CHD9: variants seen among roughly 807,000 people sequenced by gnomAD.
CHD9 encodes ATP-dependent chromatin remodeler CHD9.
A neutral mutation model predicts 316.1 loss-of-function variants in CHD9; 77 were observed. The observed-to-expected ratio is 0.24, with a 90% CI of 0.20 to 0.29. The LOEUF is 0.29. Ranked by LOEUF, CHD9 falls within the 10% of genes least tolerant of loss-of-function variation. The pLI is 1.00. For missense variants in CHD9, 2,763 were observed against 3,438.1 expected (o/e 0.80, Z 4.91); for synonymous variants, 1,129 against 1,158.3 (o/e 0.97, Z 0.51).
chr16:53,173,766 G>A (rs531794614), intron 2 of CHD9, among the ~76,000 whole-genome samples: 4 of 151,822 alleles, frequency 2.6e-5, no homozygotes, highest in South Asian at 2.1e-4. Context: ...GGATGGTCTC[G>A]ATCTCCTGAC....
chr16:53,156,386 G>A lies in CHD9; in HGVS notation c.297G>A (p.Gln99=), dbSNP rs542378944. 1.6e-5 allele frequency: 26 copies of A among 1,613,992 alleles called. No homozygotes were observed. The South Asian group carries it at 2.6e-4, about 16-fold the overall frequency. Residue 99 remains glutamine, a synonymous_variant, in exon 2 of 39, where the codon CAG becomes CAA. Coordinates refer to ENST00000447540, the MANE Select transcript of CHD9 (RefSeq NM_001308319.2). ...AACATGTGTTATCTCCACACTCTCAGTTTAATTGTTCTCCAATCCATCCCC... is the reference window on the plus strand; with the variant it reads ...AACATGTGTTATCTCCACACTCTCAATTTAATTGTTCTCCAATCCATCCCC... ...PAEHVLSPHS[Q]FNCSPIHPQN...
intron 1 of CHD9, among the ~76,000 whole-genome samples, chr16:53,126,949 G>A (rs945020250): frequency 6.6e-6 from 1 of 151,810 alleles, no homozygotes; most frequent in African/African-American, 2.4e-5. Flanking sequence ...AAAGTGCTGG[G>A]ATTACAGGTG....
At chr16:53,132,795 T>C (rs1329074181) in intron 1 of CHD9, among the ~76,000 whole-genome samples, 2 of 120,594 alleles carry the variant, frequency 1.7e-5, no homozygotes, top group African/African-American at 6.6e-5. Flanking sequence ...TAATTCTGCT[T>C]TTTTTTTTTT....
At chr16:53,114,080 T>C (rs2038080768) in intron 1 of CHD9, among the ~76,000 whole-genome samples, 2 of 151,350 alleles carry the variant, frequency 1.3e-5, no homozygotes, top group African/African-American at 2.5e-5. Context: ...ACTACTGTTT[T>C]TTCTTTAAAA....
intron 2 of CHD9, among the ~76,000 whole-genome samples, chr16:53,202,559 T>G (rs1278505928): frequency 6.6e-6 from 1 of 152,146 alleles, no homozygotes; most frequent in Non-Finnish European, 1.5e-5. Flanking sequence ...ACATCCCCAT[T>G]TTGCTGATTA....
chr16:53,173,830 C>T (rs2042936087), intron 2 of CHD9, among the ~76,000 whole-genome samples: 2 of 152,188 alleles, frequency 1.3e-5, no homozygotes, highest in South Asian at 4.2e-4. Flanking sequence ...AGGTGTGAGC[C>T]ACCGTGCCCA....
At chr16:53,102,863 G>C (rs1401521809) in intron 1 of CHD9, among the ~76,000 whole-genome samples, 1 of 151,550 alleles carries the variant, frequency 6.6e-6, no homozygotes, top group Non-Finnish European at 1.5e-5. Flanking sequence ...CTTTTTTTGG[G>C]GGGACAGAGT....
rs561688684 is a variant in CHD9 at position 53,326,112 on chromosome 16, A to G, written c.*1217A>G. ...AAGTGAAGCCTGAGGCTTCTGTTCA[A>G]TTTCATAGACTCCTTTACCATGTAA... On this transcript the variant is annotated 3_prime_UTR_variant, in exon 39 of 39. Coordinates refer to ENST00000447540, the MANE Select transcript of CHD9 (RefSeq NM_001308319.2). 10 of 152,586 alleles carry G rather than the reference A, an allele frequency of 6.6e-5. No homozygotes were observed. Among genetic ancestry groups the G allele is most frequent in the Non-Finnish European group, 1.5e-4 (10 of 67,912 alleles). The allele number at this position is 152,586 out of a possible 1,614,324, so 9.5% of individuals were successfully genotyped here.
chr16:53,140,080 A>G (rs2152704179), intron 1 of CHD9, among the ~76,000 whole-genome samples: 1 of 152,162 alleles, frequency 6.6e-6, no homozygotes, highest in South Asian at 2.1e-4. Context: ...CCTGGGCAAC[A>G]GCAAGACCCT....
rs772724781 is a variant in CHD9 at position 53,324,734 on chromosome 16, G to A, written c.8533G>A (p.Glu2845Lys). 6.2e-7 allele frequency: 1 copy of A among 1,613,358 alleles called. No individual in the cohort carries two copies. The highest frequency in any genetic ancestry group is 8.5e-7 in the Non-Finnish European group (1 of 1,179,644). Reference protein sequence around the residue: ...GSSKSVEVKEEDSRIKDQEDK... With the variant: ...GSSKSVEVKEKDSRIKDQEDK... ...GTCTAAGTCTGTAGAAGTAAAAGAAGAAGATTCCAGAATTAAAGATCAGGA... is the reference window on the plus strand; with the variant it reads ...GTCTAAGTCTGTAGAAGTAAAAGAAAAAGATTCCAGAATTAAAGATCAGGA... Residue 2845 changes from glutamate (E) to lysine (K), a missense_variant, in exon 39 of 39, where the codon GAA becomes AAA. Coordinates refer to ENST00000447540, the MANE Select transcript of CHD9 (RefSeq NM_001308319.2).
intron 1 of CHD9, among the ~76,000 whole-genome samples, chr16:53,072,504 C>T (rs11862359): frequency 1.3e-5 from 2 of 149,296 alleles, no homozygotes; most frequent in Non-Finnish European, 3.0e-5. Flanking sequence ...TGGGCTCAAG[C>T]GACCCCCAAC....
chr16:53,129,311 T>G (rs1000024295), intron 1 of CHD9, among the ~76,000 whole-genome samples: 41 of 152,326 alleles, frequency 2.7e-4, no homozygotes, highest in African/African-American at 9.1e-4. Context: ...CAAGTTGAAT[T>G]TGCAAACTAA....
At chr16:53,231,237 T>G (rs184729793) in intron 8 of CHD9, among the ~76,000 whole-genome samples, 182 bp from the exon 9 acceptor site, 2 of 152,298 alleles carry the variant, frequency 1.3e-5, no homozygotes, top group Non-Finnish European at 2.9e-5. Flanking sequence ...GTTTTATTAT[T>G]TATAACATTT....
intron 12 of CHD9, among the ~76,000 whole-genome samples, chr16:53,241,169 C>T (rs1033043087): frequency 1.3e-5 from 2 of 152,084 alleles, no homozygotes. Flanking sequence ...TAAGAACACC[C>T]AACTGTTCTT....
chr16:53,062,557 C>T (rs2033027626), intron 1 of CHD9, among the ~76,000 whole-genome samples: 1 of 152,074 alleles, frequency 6.6e-6, no homozygotes. Context: ...GCCTGGGCAA[C>T]ATAGTGAGAC....
chr16:53,196,867 A>G (rs958692824), intron 2 of CHD9, among the ~76,000 whole-genome samples: 2 of 152,152 alleles, frequency 1.3e-5, no homozygotes, highest in Non-Finnish European at 2.9e-5. Flanking sequence ...TTTTTCTCAT[A>G]TATTTGTACC....
intron 16 of CHD9, 30 bp downstream of exon 16, chr16:53,247,533 T>C: frequency 6.9e-7 from 1 of 1,442,558 alleles, no homozygotes; most frequent in South Asian, 1.2e-5. Context: ...CTGTGAATTA[T>C]GCTAAGTATA....
chr16:53,230,423 C>A (rs1447343774), intron 8 of CHD9, among the ~76,000 whole-genome samples: 1 of 152,046 alleles, frequency 6.6e-6, no homozygotes, highest in East Asian at 1.9e-4. Context: ...AGTTTGAGAC[C>A]AGCCTGGCCA....
intron 12 of CHD9, among the ~76,000 whole-genome samples, chr16:53,241,360 T>C (rs751691182): frequency 2.6e-5 from 4 of 152,212 alleles, no homozygotes; most frequent in Non-Finnish European, 5.9e-5. Flanking sequence ...CAGAGCTCAG[T>C]CTTCAGACTC....
Sources: gnomAD v4.1 joint callset for allele counts (sites outside exome capture counted in the v4.1 genomes callset) on GRCh38, gnomAD v4.1.1 for gene constraint, MANE v1.5 for transcripts, NCBI Gene and HGNC (gene_info 2026-07-23, HGNC 2026-07-21) for gene names.